Variants in LARP1B observed in about 807,000 individuals in gnomAD.
LARP1B encodes la-related protein 1B.
In LARP1B, 76 loss-of-function variants were observed where a neutral mutation model predicts 114.2. That is an observed-to-expected ratio of 0.67 (90% confidence interval 0.55 to 0.81). The LOEUF is 0.81. LARP1B is among the 30% of genes least tolerant of loss of function. The pLI is 0.00. For missense variants in LARP1B, 1,014 were observed against 1,075.8 expected (o/e 0.94, Z 0.80); for synonymous variants, 345 against 348.0 (o/e 0.99, Z 0.10).
At chr4:128,195,602 T>G (rs1188140849) in intron 15 of LARP1B, among the ~76,000 whole-genome samples, 1 of 152,220 alleles carries the variant, frequency 6.6e-6, no homozygotes, top group Non-Finnish European at 1.5e-5. Context: ...AAAGAACTTC[T>G]CAGTACCTGT....
At chr4:128,092,764 T>G (rs758779337) in intron 7 of LARP1B, 26 of 985,458 alleles carry the variant, frequency 2.6e-5, no homozygotes, top group Non-Finnish European at 3.0e-5. Flanking sequence ...TGTTCTTGCT[T>G]CTTTTGTTAC....
intron 14 of LARP1B, among the ~76,000 whole-genome samples, chr4:128,179,142 A>G (rs1747474538): frequency 6.6e-6 from 1 of 152,200 alleles, no homozygotes; most frequent in Admixed American, 6.5e-5. Flanking sequence ...TAGTGTAATT[A>G]AAGACGAACA....
intron 11 of LARP1B, chr4:128,123,346 A>C (rs1788593437): frequency 1.0e-6 from 1 of 985,134 alleles, no homozygotes; most frequent in Admixed American, 6.2e-5. Flanking sequence ...TCCTAGTGTA[A>C]GCATTGCTAT....
intron 1 of LARP1B, chr4:128,061,683 G>A (rs1009035145): frequency 1.0e-6 from 1 of 984,722 alleles, no homozygotes; most frequent in Non-Finnish European, 1.2e-6. Context: ...GGCGGCTGGG[G>A]CAGAGGGACG....
chr4:128,208,811 A>G (rs1009372801), intron 19 of LARP1B, among the ~76,000 whole-genome samples: 1 of 152,212 alleles, frequency 6.6e-6, no homozygotes, highest in Non-Finnish European at 1.5e-5. Context: ...TGGTGCCATC[A>G]ATAATATTCT....
intron 6 of LARP1B, among the ~76,000 whole-genome samples, chr4:128,219,800 TA>T (rs1166740888): frequency 7.4e-6 from 1 of 134,276 alleles, no homozygotes; most frequent in African/African-American, 3.7e-5. Context: ...TATAATAAAA[TA>T]AATAAATAAA....
intron 1 of LARP1B, among the ~76,000 whole-genome samples, chr4:128,065,297 CTTTCTTTCTTTCTT>C (rs1164748252): frequency 4.5e-5 from 6 of 133,930 alleles, no homozygotes; most frequent in Non-Finnish European, 9.6e-5. Context: ...TTCTTTCTTT[CTTTCTTTCTTTCTT>C]TCTTTCTCTC....
chr4:128,163,058 C>A (rs141459398), intron 12 of LARP1B, among the ~76,000 whole-genome samples: 1 of 152,008 alleles, frequency 6.6e-6, no homozygotes, highest in African/African-American at 2.4e-5. Flanking sequence ...AATTCCTTAA[C>A]GTTAGATATC....
At chr4:128,108,945 A>G (rs1783033539) in intron 9 of LARP1B, 1 of 455,556 alleles carries the variant, frequency 2.2e-6, no homozygotes, top group Admixed American at 6.4e-5. Context: ...ACTCAGATGC[A>G]TGCACATACA....
At chr4:128,214,308 A>G (rs1279141360), downstream of LARP1B, among the ~76,000 whole-genome samples, 1 of 148,314 alleles carries the variant, frequency 6.7e-6, no homozygotes, top group Non-Finnish European at 1.5e-5. Flanking sequence ...ACCACAGCTC[A>G]AGGAGGCCTG....
At chr4:128,171,402 G>A (rs915757952) in intron 12 of LARP1B, among the ~76,000 whole-genome samples, 1 of 151,870 alleles carries the variant, frequency 6.6e-6, no homozygotes, top group African/African-American at 2.4e-5. Flanking sequence ...CAAAGTGCTG[G>A]GATTATAGGC....
chr4:128,187,104 G>A (rs1750635101), intron 15 of LARP1B, among the ~76,000 whole-genome samples: 2 of 152,236 alleles, frequency 1.3e-5, no homozygotes, highest in South Asian at 4.1e-4. Flanking sequence ...TACAAGGACA[G>A]TGCAGAGAGG....
intron 1 of LARP1B, among the ~76,000 whole-genome samples, chr4:128,070,970 A>G (rs1765065826): frequency 6.6e-6 from 1 of 152,106 alleles, no homozygotes; most frequent in African/African-American, 2.4e-5. Flanking sequence ...GATGCTGAGA[A>G]GTAGAATTGT....
At chr4:128,163,285 A>C (rs998445875) in intron 12 of LARP1B, among the ~76,000 whole-genome samples, 1 of 152,132 alleles carries the variant, frequency 6.6e-6, no homozygotes, top group Non-Finnish European at 1.5e-5. Context: ...GGTTTCATTT[A>C]ACCTGTTTTC....
chr4:128,193,793 T>A (rs1283057013), intron 15 of LARP1B, among the ~76,000 whole-genome samples: 2 of 151,876 alleles, frequency 1.3e-5, no homozygotes, highest in East Asian at 3.9e-4. Context: ...ATTTTTTGTA[T>A]TTTTGGTAGA....
At chr4:128,171,617 G>A (rs1407258013) in intron 12 of LARP1B, among the ~76,000 whole-genome samples, 1 of 152,092 alleles carries the variant, frequency 6.6e-6, no homozygotes, top group Admixed American at 6.6e-5. Context: ...TATTTGTGAT[G>A]TTTCAGGTTT....
intron 1 of LARP1B, among the ~76,000 whole-genome samples, chr4:128,065,253 A>ATCTTTCTTTCTTTC (rs1761982967): frequency 3.2e-4 from 29 of 89,606 alleles, no homozygotes; most frequent in African/African-American, 8.7e-4. Flanking sequence ...CCCACAATTA[A>ATCTTTCTTTCTTTC]TTTCTTTCTT....
chr4:128,107,508 G>A (rs1348408265), intron 9 of LARP1B, 195 bp downstream of exon 9: 13 of 1,406,858 alleles, frequency 9.2e-6, no homozygotes, highest in Non-Finnish European at 6.5e-6. Flanking sequence ...TAAGAATTAT[G>A]AGGAAAGCTG....
intron 15 of LARP1B, among the ~76,000 whole-genome samples, chr4:128,196,593 T>C (rs143325438): frequency 7.8e-4 from 118 of 151,536 alleles, no homozygotes; most frequent in African/African-American, 2.8e-3. Flanking sequence ...GGAATTTTTG[T>C]TTTCTGTTTT....
Sources: allele counts gnomAD v4.1 joint callset (sites outside exome capture counted in the v4.1 genomes callset), GRCh38; gene constraint gnomAD v4.1.1; transcripts MANE v1.5; gene names NCBI Gene and HGNC (gene_info 2026-07-23, HGNC 2026-07-21).